Variants in RBM3 observed in about 807,000 individuals in gnomAD.
The protein encoded by RBM3 is RNA-binding protein 3.
In RBM3, 3 loss-of-function variants were observed where a neutral mutation model predicts 12.0. The observed-to-expected ratio is 0.25, with a 90% confidence interval of 0.11 to 0.65. RBM3 has a LOEUF of 0.65. Among genes scored for constraint, RBM3 ranks in the 30% least tolerant of loss-of-function variants. The pLI, the probability that RBM3 is intolerant of heterozygous loss-of-function variation, is 0.84. For missense variants in RBM3, 108 were observed against 134.5 expected (o/e 0.80, Z 0.97); for synonymous variants, 58 against 45.7 (o/e 1.27, Z -1.08).
rs1556989363 is a variant in RBM3, at chrX:48,576,682, A to G, written c.413+78A>G. The G allele has an allele frequency of 7.2e-6, 8 of 1,117,758 alleles. No individual in the cohort carries two copies. In the Admixed American group the frequency reaches 2.6e-4, roughly 36 times the overall value. 92.1% of individuals were successfully genotyped at this position (1,117,758 alleles called of 1,213,427 possible). Reference sequence around the variant, plus strand: ...ACTCAGCGCCTGGGTGTTCATGCATACCACACCTTGCTGTTACTAATGTGT... The same window carrying G: ...ACTCAGCGCCTGGGTGTTCATGCATGCCACACCTTGCTGTTACTAATGTGT... On this transcript the variant is annotated intron_variant, in intron 5 of 6. Transcript: ENST00000376759.
Position 48,579,043 on chromosome X carries a change from GCT to G in RBM3, c.*1606_*1607del, listed in dbSNP as rs1482943532. The G allele has an allele frequency of 2.8e-5, 3 of 107,313 alleles. No individual in the cohort carries two copies. Among genetic ancestry groups the G allele is most frequent in the Non-Finnish European group, 3.9e-5 (2 of 51,553 alleles). 8.8% of individuals were successfully genotyped at this position (107,313 alleles called of 1,213,427 possible). A position where few individuals can be genotyped will look rare whatever the true frequency, so the allele number is the denominator to read the frequency against. On this transcript the variant is annotated 3_prime_UTR_variant, in exon 7 of 7. Coordinates refer to ENST00000376759, the MANE Select transcript of RBM3 (RefSeq NM_006743.5). ...AAAGCCACTGAGAAGAGTTGGCAAA[GCT>G]CTCAGTCACGGGGATTTGATCTTTT...
Position 48,575,189 on chromosome X carries a change from T to C in RBM3, c.9T>C (p.Ser3=), listed in dbSNP as rs1556988960. The change falls in exon 2 of 7, where the codon TCT becomes TCC. Residue 3 remains serine (S), a synonymous_variant. Coordinates refer to ENST00000376759, the MANE Select transcript of RBM3 (RefSeq NM_006743.5). MS[S]EEGKLFVGGL... is the part of the protein sequence containing the mutation. The stretch of plus-strand genomic sequence containing the variant: ...ACAGGACTTGAACTGCCATGTCCTC[T>C]GAAGAAGGAAAGCTCTTCGTGGGAG... 1 of 1,205,847 alleles carries C rather than the reference T, an allele frequency of 8.3e-7. No homozygotes were observed. The highest frequency in any genetic ancestry group is 3.0e-5 in the East Asian group (1 of 33,775).
At chrX:48,575,690 G>A (rs781862824) in intron 3 of RBM3, 23 bp downstream of exon 3, 1 of 1,171,036 alleles carries the variant, frequency 8.5e-7, no homozygotes, top group Non-Finnish European at 1.2e-6. Context: ...ATCTGCAGAG[G>A]GACCTTGTCC....
chrX:48,576,851 G>A lies in RBM3; in HGVS notation c.414-175G>A, dbSNP rs782427427. Among the ~76,000 whole-genome samples the A allele has an allele frequency of 7.1e-5, 8 of 111,948 alleles. No individual in the cohort carries two copies. In the East Asian group the frequency reaches 1.4e-3, roughly 20 times the overall value. ...CATGTAATATGATTTAATATACTGC[G>A]TATAAATCGTATGCCATAAAACTGT... On this transcript the variant is annotated intron_variant, in intron 5 of 6. Coordinates refer to ENST00000376759, the MANE Select transcript of RBM3 (RefSeq NM_006743.5).
intron 6 of RBM3, 57 bp downstream of exon 6, chrX:48,577,166 T>A: frequency 8.3e-7 from 1 of 1,200,960 alleles, no homozygotes; most frequent in East Asian, 3.0e-5. Flanking sequence ...GTCATGACCC[T>A]CTCACCTTTT....
Position 48,580,867 on chromosome X carries a change from CAAT to C in RBM3, c.*3429_*3431del. The C allele has an allele frequency of 9.0e-6, 1 of 111,588 alleles. No individual in the cohort carries two copies. The highest frequency in any genetic ancestry group is 4.6e-3 in the Middle Eastern group (1 of 218). The allele number at this position is 111,588 out of a possible 1,213,427, so 9.2% of individuals were successfully genotyped here. ...AGGTATATAAAAAAACATTGGTTGA[CAAT>C]AAGCCAGTGTTCTGCCATTCTTACC... On this transcript the variant is annotated 3_prime_UTR_variant, in exon 7 of 7. Transcript: ENST00000376759.
In RBM3 at chrX:48,574,926, G is replaced by T; in HGVS notation, c.-13-242G>T. On this transcript the variant is annotated intron_variant, in intron 1 of 6. Coordinates refer to ENST00000376759, the MANE Select transcript of RBM3 (RefSeq NM_006743.5). ...GCTTGCGCAGTGGCACAAAATGACG[G>T]GCGTGGCGGCTATGAATGTGAGAGC... is the stretch of plus-strand genomic sequence containing the variant. 6.9e-6 allele frequency: 3 copies of T among 434,444 alleles called. No homozygotes were observed. In the South Asian group the frequency reaches 8.6e-5, roughly 12 times the overall value. 35.8% of individuals were successfully genotyped at this position (434,444 alleles called of 1,213,427 possible).
rs2062093509 is a variant in RBM3 at position 48,579,224 on chromosome X, G to C, written c.*1783G>C. Among the ~76,000 whole-genome samples, 4 of 111,540 alleles carry C rather than the reference G, an allele frequency of 3.6e-5. No homozygotes were observed. The highest frequency in any genetic ancestry group is 9.7e-5 in the African/African-American group (3 of 30,777). ...CCTCCATTGGTTCTAGTTTGGAACA[G>C]AAAAATCTGTTGTATTCATGGCTTT... On this transcript the variant is annotated 3_prime_UTR_variant, in exon 7 of 7. Transcript: ENST00000376759.
chrX:48,575,677 C>T lies in RBM3; in HGVS notation c.210+10C>T, dbSNP rs1569485527. On this transcript the variant is annotated intron_variant, in intron 3 of 6. Transcript: ENST00000376759. Reference sequence around the variant, plus strand: ...AGCCATGAACGGAGAGGTGGGGCCTCCTATCTGCAGAGGGACCTTGTCCCC... The same window carrying T: ...AGCCATGAACGGAGAGGTGGGGCCTTCTATCTGCAGAGGGACCTTGTCCCC... 1 of 1,191,326 alleles carries T rather than the reference C, an allele frequency of 8.4e-7. No homozygotes were observed. The highest frequency in any genetic ancestry group is 2.2e-5 in the Admixed American group (1 of 45,388).
rs1341664580 is a variant in RBM3, at chrX:48,580,942, CA to C, written c.*3503del. 9.1e-6 allele frequency: 1 copy of C among 110,243 alleles called. No individual in the cohort carries two copies. The highest frequency in any genetic ancestry group is 1.9e-5 in the Non-Finnish European group (1 of 52,888). 9.1% of individuals were successfully genotyped at this position (110,243 alleles called of 1,213,427 possible). A position where few individuals can be genotyped will look rare whatever the true frequency, so the allele number is the denominator to read the frequency against. ...CTCAAGTCCCTGCCCAGCTGCATTC[CA>C]AGTGTTTTCAAGTTTGGTGGTAAGA... On this transcript the variant is annotated 3_prime_UTR_variant, in exon 7 of 7. Coordinates refer to ENST00000376759, the MANE Select transcript of RBM3 (RefSeq NM_006743.5).
Position 48,575,675 on chromosome X carries a change from C to T in RBM3, c.210+8C>T, listed in dbSNP as rs2062077022. 5.0e-6 allele frequency: 6 copies of T among 1,189,604 alleles called. No homozygotes were observed. The highest frequency in any genetic ancestry group is 2.2e-5 in the Admixed American group (1 of 45,134). ...AGAGCCATGAACGGAGAGGTGGGGCCTCCTATCTGCAGAGGGACCTTGTCC... is the reference window on the plus strand; with the variant it reads ...AGAGCCATGAACGGAGAGGTGGGGCTTCCTATCTGCAGAGGGACCTTGTCC... On this transcript the variant is annotated splice_region_variant and intron_variant, in intron 3 of 6. Transcript: ENST00000376759.
chrX:48,576,561 G>A lies in RBM3; in HGVS notation c.370G>A (p.Gly124Arg), dbSNP rs1556989305. 5.1e-6 allele frequency: 6 copies of A among 1,181,868 alleles called. No individual in the cohort carries two copies. The highest frequency in any genetic ancestry group is 6.8e-6 in the Non-Finnish European group (6 of 880,681). The change falls in exon 5 of 7, where the codon GGG becomes AGG. Residue 124 changes from glycine (G) to arginine (R), a missense_variant. Around this residue, in one of 2 missense-constraint regions of RBM3, gnomAD observed 65 missense variants for 54.9 expected, o/e 1.18. Transcript: ENST00000376759. The stretch of plus-strand genomic sequence containing the variant: ...CAGGTATTATGACAGTCGACCTGGA[G>A]GGTATGGATATGGATATGGACGTTC... The part of the protein sequence containing the change: ...SGRYYDSRPG[G>R]YGYGYGRSRD...
At position 48,577,815 on chromosome X, in the gene RBM3, C is replaced by T. The variant is rs2062087762; in HGVS notation, c.*374C>T. 1 of 168,226 alleles carries T rather than the reference C, an allele frequency of 5.9e-6. No homozygotes were observed. Among genetic ancestry groups the T allele is most frequent in the Non-Finnish European group, 1.1e-5 (1 of 90,156 alleles). 13.9% of individuals were successfully genotyped at this position (168,226 alleles called of 1,213,427 possible). Reference sequence around the variant, plus strand: ...TGTGTATCCAGGGACATTTTAAAAACCTGTACACAGTGTTTATTGTGGTTA... The same window carrying T: ...TGTGTATCCAGGGACATTTTAAAAATCTGTACACAGTGTTTATTGTGGTTA... On this transcript the variant is annotated 3_prime_UTR_variant, in exon 7 of 7. Transcript: ENST00000376759.
chrX:48,577,134 G>A, intron 6 of RBM3, 25 bp downstream of exon 6: 2 of 1,209,819 alleles, frequency 1.7e-6, no homozygotes, highest in Non-Finnish European at 2.2e-6. Context: ...TCGGCATTGA[G>A]TGAACCTGTT....
rs782337316 is a variant in RBM3, at chrX:48,579,968, C to T, written c.*2527C>T. On this transcript the variant is annotated 3_prime_UTR_variant, in exon 7 of 7. Coordinates refer to ENST00000376759, the MANE Select transcript of RBM3 (RefSeq NM_006743.5). ...GATTTGAGGTCAACCCCCGACCACC[C>T]TTAAAGTGCTTGTTGGTCTCCTACT... 7 of 110,902 alleles carry T rather than the reference C, an allele frequency of 6.3e-5. No homozygotes were observed. The highest frequency in any genetic ancestry group is 1.1e-4 in the Non-Finnish European group (6 of 52,982). The allele number at this position is 110,902 out of a possible 1,213,427, so 9.1% of individuals were successfully genotyped here.
chrX:48,575,803 C>T (rs1300025859), intron 3 of RBM3, 136 bp downstream of exon 3: 17 of 658,885 alleles, frequency 2.6e-5, no homozygotes, highest in Admixed American at 1.5e-4. Context: ...GCATGACTGC[C>T]TTTTGTTCTA....
Position 48,578,204 on chromosome X carries a change from C to G in RBM3, c.*763C>G, listed in dbSNP as rs782177260. On this transcript the variant is annotated 3_prime_UTR_variant, in exon 7 of 7. Transcript: ENST00000376759. ...TGCAAATGTCTTTTTTTTTTTAATA[C>G]TGGAAGAAAAAATATTCTGTTGTGT... The G allele has an allele frequency of 7.4e-5, 8 of 108,650 alleles. No homozygotes were observed. Among genetic ancestry groups the G allele is most frequent in the African/African-American group, 2.7e-4 (8 of 29,863 alleles). 9.0% of individuals were successfully genotyped at this position (108,650 alleles called of 1,213,427 possible). A position where few individuals can be genotyped will look rare whatever the true frequency, so the allele number is the denominator to read the frequency against.
intron 6 of RBM3, 131 bp downstream of exon 6, chrX:48,577,240 C>A: frequency 1.8e-6 from 2 of 1,133,884 alleles, no homozygotes; most frequent in Non-Finnish European, 2.3e-6. Context: ...ACCAAACATT[C>A]CTAGCTAGGC....
chrX:48,574,852 C>G (rs782628737), intron 1 of RBM3: 2 of 368,558 alleles, frequency 5.4e-6, no homozygotes, highest in South Asian at 2.6e-5. Context: ...CCCACGTGGC[C>G]GCCGCCATCT....
Sources: allele counts gnomAD v4.1 joint callset (sites outside exome capture counted in the v4.1 genomes callset), GRCh38; gene constraint gnomAD v4.1.1; regional missense constraint gnomAD v4.1.1; transcripts MANE v1.5; gene names NCBI Gene and HGNC (gene_info 2026-07-23, HGNC 2026-07-21).